Variants in LAMA3 observed in about 807,000 individuals in gnomAD.
LAMA3 encodes laminin subunit alpha-3.
Under a neutral mutation model 402.0 loss-of-function variants are expected in LAMA3, and 281 were observed. That is an observed-to-expected ratio of 0.70 (90% CI 0.63 to 0.77). The LOEUF is 0.77. LAMA3 is among the 30% of genes least tolerant of loss of function. The probability of loss-of-function intolerance (pLI) is 0.00; values close to 1 mark genes in which losing one functional copy is unlikely to be tolerated. For missense variants in LAMA3, 3,840 were observed against 4,215.5 expected, an observed-to-expected ratio of 0.91 and a Z score of 2.47; for synonymous variants, 1,431 against 1,558.4, an observed-to-expected ratio of 0.92 and a Z score of 1.93.
intron 2 of LAMA3, among the ~76,000 whole-genome samples, chr18:23,736,552 C>T (rs2061478249): frequency 6.6e-6 from 1 of 151,748 alleles, no homozygotes; most frequent in South Asian, 2.1e-4. Flanking sequence ...GCATTTTTTC[C>T]AATAAAACTG....
chr18:23,780,268 C>G (rs1281873818), intron 11 of LAMA3, among the ~76,000 whole-genome samples: 1 of 147,252 alleles, frequency 6.8e-6, no homozygotes, highest in Non-Finnish European at 1.5e-5. Flanking sequence ...GTTCTAATGG[C>G]AGGAGTTAAG....
chr18:23,855,043 C>A (rs377358190), intron 32 of LAMA3, among the ~76,000 whole-genome samples: 7 of 151,932 alleles, frequency 4.6e-5, no homozygotes, highest in Non-Finnish European at 7.4e-5. Context: ...CACAAAAAAA[C>A]CACAGGCTCC....
chr18:23,690,123 G>A (rs950753320), intron 1 of LAMA3, 146 bp downstream of exon 1: 1 of 654,210 alleles, frequency 1.5e-6, no homozygotes, highest in African/African-American at 1.9e-5. Flanking sequence ...CGCGCGCGAG[G>A]GCCCACGACC....
At chr18:23,869,273 A>AT (rs2064446113) in intron 37 of LAMA3, among the ~76,000 whole-genome samples, 1 of 152,228 alleles carries the variant, frequency 6.6e-6, no homozygotes, top group African/African-American at 2.4e-5. Context: ...AAGAGGAGGG[A>AT]ATGATACTAA....
intron 2 of LAMA3, among the ~76,000 whole-genome samples, chr18:23,737,003 C>T (rs1299515538): frequency 2.6e-5 from 4 of 152,182 alleles, no homozygotes; most frequent in South Asian, 2.1e-4. Context: ...TCCTTGCTGG[C>T]ATGGAAAATG....
At chr18:23,722,405 T>C (rs534194247) in intron 2 of LAMA3, among the ~76,000 whole-genome samples, 1 of 152,360 alleles carries the variant, frequency 6.6e-6, no homozygotes, top group East Asian at 1.9e-4. Flanking sequence ...ATTCTTTTTG[T>C]ATCCATGGGG....
rs2064526478 is a variant in LAMA3, at chr18:23,871,663, T to C, written c.4998+2T>C. On this transcript the variant is annotated splice_donor_variant, in intron 38 of 74. Coordinates refer to ENST00000313654, the MANE Select transcript of LAMA3 (RefSeq NM_198129.4). LOFTEE classifies it high-confidence loss of function. ...GCCTACGCTGGTGACTCTTGTCAGG[T>C]AGGAAGTTTTCCCATCCGCAACATT... The C allele has an allele frequency of 1.3e-6, 2 of 1,594,086 alleles. No homozygotes were observed. Among genetic ancestry groups the C allele is most frequent in the Non-Finnish European group, 1.7e-6 (2 of 1,169,538 alleles).
At position 23,749,453 on chromosome 18, in the gene LAMA3, A is replaced by G. The variant is rs1213420719; in HGVS notation, c.591A>G (p.Glu197=). Residue 197 remains glutamate, a synonymous_variant, in exon 4 of 75, where the codon GAA becomes GAG. Coordinates refer to ENST00000313654, the MANE Select transcript of LAMA3 (RefSeq NM_198129.4). The part of the protein sequence containing the change: ...FAHSKVDCLK[E]FGREANMAVT... Reference sequence around the variant, plus strand: ...ATTCTAAAGTAGACTGTTTAAAAGAATTTGGGCGGGAGGCAAATATGGCTG... The same window carrying G: ...ATTCTAAAGTAGACTGTTTAAAAGAGTTTGGGCGGGAGGCAAATATGGCTG... The G allele has an allele frequency of 6.2e-7, 1 of 1,607,356 alleles. No homozygotes were observed. The highest frequency in any genetic ancestry group is 2.2e-5 in the East Asian group (1 of 44,846).
At chr18:23,833,699 C>G in intron 23 of LAMA3, 129 bp from the exon 24 acceptor site, 1 of 993,456 alleles carries the variant, frequency 1.0e-6, no homozygotes, top group Non-Finnish European at 1.6e-6. Flanking sequence ...GACCATATTC[C>G]TTACTGGGAT....
chr18:23,915,107 G>A (rs1380014416), intron 58 of LAMA3, among the ~76,000 whole-genome samples, 182 bp from the exon 59 acceptor site: 2 of 152,146 alleles, frequency 1.3e-5, no homozygotes, highest in Non-Finnish European at 2.9e-5. Context: ...CAGAGACAGC[G>A]AGGTGTAATA....
chr18:23,822,876 G>T (rs1053868047), intron 20 of LAMA3, among the ~76,000 whole-genome samples: 3 of 152,180 alleles, frequency 2.0e-5, no homozygotes, highest in East Asian at 3.9e-4. Context: ...TCAGGGATGA[G>T]GAATTCCTGA....
At position 23,857,953 on chromosome 18, in the gene LAMA3, G is replaced by C. The variant is rs77331026; in HGVS notation, c.4246G>C (p.Val1416Leu). 3.8e-5 allele frequency: 62 copies of C among 1,614,072 alleles called. No individual in the cohort carries two copies. The highest frequency in any genetic ancestry group is 1.6e-4 in the Middle Eastern group (1 of 6,084). Residue 1416 changes from valine to leucine, a missense_variant, in exon 33 of 75, where the codon GTG becomes CTG. By Grantham distance (32) the Val-to-Leu change is conservative (BLOSUM62 1). Transcript: ENST00000313654. The part of the protein sequence containing the change: ...NCNRDGTEPG[V>L]CDPGTGACLC... ...CAACAGAGATGGGACTGAGCCAGGA[G>C]TGTGTGACCCAGGGACCGGGGCTTG...
intron 14 of LAMA3, 124 bp from the exon 15 acceptor site, chr18:23,814,278 CT>C (rs999119819): frequency 2.3e-5 from 17 of 739,090 alleles, no homozygotes; most frequent in Admixed American, 5.8e-5. Flanking sequence ...TTTTTTCCCC[CT>C]GGATACACTT....
Position 23,950,091 on chromosome 18 carries a change from A to T in LAMA3, c.9574A>T (p.Thr3192Ser), listed in dbSNP as rs115991457. The T allele has an allele frequency of 4.1e-4, 665 of 1,614,090 alleles. 2 individuals carry two copies. The African/African-American group carries it at 8.1e-3, about 20-fold the overall frequency. The change falls in exon 72 of 75, where the codon ACT (threonine) becomes TCT (serine). Residue 3192 changes from threonine to serine, a missense_variant. Transcript: ENST00000313654. ...LVFSIRPRSL[T>S]GILIHIGSQP... ...TTTCAGCATCCGCCCAAGAAGTCTC[A>T]CTGGGATCCTAATACACATCGGAAG...
At chr18:23,888,550 G>T (rs969592643) in intron 41 of LAMA3, among the ~76,000 whole-genome samples, 1 of 152,046 alleles carries the variant, frequency 6.6e-6, no homozygotes, top group Non-Finnish European at 1.5e-5. Context: ...CTGTGGGGGG[G>T]ACCGGTAAAG....
Position 23,784,103 on chromosome 18 carries a change from G to A in LAMA3, c.1549G>A (p.Gly517Ser). Residue 517 changes from glycine (G) to serine (S), a missense_variant, in exon 12 of 75, where the codon GGC (glycine) becomes AGC (serine). This residue lies in a region of LAMA3 where 2,109 missense variants were observed against 2,376.0 expected (regional missense o/e 0.89). Transcript: ENST00000313654. Reference protein sequence around the residue: ...GRCLCRPGVEGPRCDTCRSGF... With the variant: ...GRCLCRPGVESPRCDTCRSGF... Reference sequence around the variant, plus strand: ...GTGCCTGTGCCGCCCTGGGGTTGAGGGCCCTCGATGTGATACCTGCCGCTC... The same window carrying A: ...GTGCCTGTGCCGCCCTGGGGTTGAGAGCCCTCGATGTGATACCTGCCGCTC... The A allele has an allele frequency of 6.2e-7, 1 of 1,614,114 alleles. No homozygotes were observed. The highest frequency in any genetic ancestry group is 8.5e-7 in the Non-Finnish European group (1 of 1,180,024).
chr18:23,818,451 G>A (rs997196691), intron 18 of LAMA3, among the ~76,000 whole-genome samples: 1 of 152,240 alleles, frequency 6.6e-6, no homozygotes, highest in Non-Finnish European at 1.5e-5. Context: ...CAAACCAACA[G>A]TGTGGATGCC....
chr18:23,872,232 T>C (rs1294712839), intron 38 of LAMA3, among the ~76,000 whole-genome samples: 1 of 152,250 alleles, frequency 6.6e-6, no homozygotes, highest in Non-Finnish European at 1.5e-5. Context: ...AACTCCCCAG[T>C]AGAGTTGAAT....
intron 32 of LAMA3, 105 bp from the exon 33 acceptor site, chr18:23,857,739 A>G: frequency 7.1e-7 from 1 of 1,413,980 alleles, no homozygotes. Flanking sequence ...CATTGTATCT[A>G]TTTAACTGGC....
Sources: allele counts gnomAD v4.1 joint callset (sites outside exome capture counted in the v4.1 genomes callset), GRCh38; gene constraint gnomAD v4.1.1; regional missense constraint gnomAD v4.1.1; transcripts MANE v1.5; gene names NCBI Gene and HGNC (gene_info 2026-07-23, HGNC 2026-07-21).